Variants in MACROD2 observed in about 807,000 individuals in gnomAD.
MACROD2 encodes ADP-ribose glycohydrolase MACROD2.
In MACROD2, 36 loss-of-function variants were observed where a neutral mutation model predicts 70.4. The ratio of observed to expected loss-of-function variants is 0.51; its 90% CI spans 0.39 to 0.68. MACROD2 has a LOEUF of 0.68. MACROD2 is among the 30% of genes least tolerant of loss of function. The pLI is 0.00. For missense variants in MACROD2, 496 were observed against 538.4 expected, an observed-to-expected ratio of 0.92 and a Z score of 0.78; for synonymous variants, 172 against 178.8, an observed-to-expected ratio of 0.96 and a Z score of 0.30.
chr20:16,017,794 G>A (rs181654173), intron 15 of MACROD2, among the ~76,000 whole-genome samples: 25 of 152,234 alleles, frequency 1.6e-4, no homozygotes, highest in Admixed American at 3.9e-4. Flanking sequence ...GACACATAGT[G>A]GGTACTTACA....
chr20:15,530,556 A>C (rs972361018), intron 8 of MACROD2, among the ~76,000 whole-genome samples: 4 of 151,302 alleles, frequency 2.6e-5, no homozygotes, highest in Non-Finnish European at 4.4e-5. Flanking sequence ...CACGGTGAAA[A>C]CCCGTCTCTA....
rs577927565 is a variant in MACROD2, at chr20:14,320,218, G to A, written c.272-173261G>A. Among the ~76,000 whole-genome samples, 10 of 152,220 alleles carry A rather than the reference G, an allele frequency of 6.6e-5. No homozygotes were observed. The East Asian group carries it at 1.9e-3, about 29-fold the overall frequency. Reference sequence around the variant, plus strand: ...CACCAACATTCTACTTACCTGTGCTGAAAATCTTCATCATCTTCAATATTC... The same window carrying A: ...CACCAACATTCTACTTACCTGTGCTAAAAATCTTCATCATCTTCAATATTC... On this transcript the variant is annotated intron_variant, in intron 3 of 17. Transcript: ENST00000684519.
intron 2 of MACROD2, among the ~76,000 whole-genome samples, chr20:14,033,828 A>G (rs148580056): frequency 1.3e-5 from 2 of 152,228 alleles, no homozygotes; most frequent in East Asian, 3.9e-4. Context: ...TGTAGAATTT[A>G]CCTTTCCTTT....
chr20:14,214,538 C>T (rs570640207), intron 3 of MACROD2, among the ~76,000 whole-genome samples: 2 of 150,540 alleles, frequency 1.3e-5, no homozygotes, highest in African/African-American at 4.9e-5. Context: ...AACATTTAAC[C>T]TGATATAATT....
intron 17 of MACROD2, among the ~76,000 whole-genome samples, chr20:16,048,062 A>G (rs2067408113): frequency 6.6e-6 from 1 of 152,248 alleles, no homozygotes. Context: ...ACAAATTGAA[A>G]AATGAACTTA....
chr20:14,071,250 G>GGGTT, intron 2 of MACROD2, among the ~76,000 whole-genome samples: 1 of 61,086 alleles, frequency 1.6e-5, no homozygotes, highest in South Asian at 6.3e-4. Flanking sequence ...ATTTCATCTT[G>GGGTT]TGTTTTTTTT....
chr20:14,332,004 T>G (rs929985077), intron 3 of MACROD2, among the ~76,000 whole-genome samples: 1 of 152,106 alleles, frequency 6.6e-6, no homozygotes, highest in Non-Finnish European at 1.5e-5. Flanking sequence ...ATGGGGTAAC[T>G]TGGGAGGAAA....
At chr20:15,524,148 G>T (rs536508132) in intron 8 of MACROD2, among the ~76,000 whole-genome samples, 3 of 152,188 alleles carry the variant, frequency 2.0e-5, no homozygotes, top group African/African-American at 4.8e-5. Flanking sequence ...TTACACCGAG[G>T]TCCTTGTTCT....
chr20:15,412,583 T>C (rs1439844253), intron 6 of MACROD2, among the ~76,000 whole-genome samples: 1 of 152,216 alleles, frequency 6.6e-6, no homozygotes, highest in Non-Finnish European at 1.5e-5. Context: ...AGATCCAGAC[T>C]TTGTTTTCTA....
At chr20:14,352,562 C>G (rs2083133606) in intron 3 of MACROD2, 2 of 152,222 alleles carry the variant, frequency 1.3e-5, no homozygotes. Flanking sequence ...AGATTGCCCT[C>G]CAGAAAGGAT....
chr20:14,821,316 C>T (rs1313228060), intron 5 of MACROD2, among the ~76,000 whole-genome samples: 1 of 152,062 alleles, frequency 6.6e-6, no homozygotes, highest in African/African-American at 2.4e-5. Context: ...GGGAAGTTTA[C>T]ATGTTTCCTT....
intron 15 of MACROD2, among the ~76,000 whole-genome samples, chr20:16,038,666 C>G (rs2067267315): frequency 6.6e-6 from 1 of 151,870 alleles, no homozygotes; most frequent in Admixed American, 6.6e-5. Flanking sequence ...ATTTAAGCTG[C>G]CTCTGCAATA....
At chr20:14,606,270 G>A (rs1371020985) in intron 4 of MACROD2, among the ~76,000 whole-genome samples, 1 of 152,124 alleles carries the variant, frequency 6.6e-6, no homozygotes, top group African/African-American at 2.4e-5. Context: ...GTTATTGTAT[G>A]AGTGACCTTT....
intron 7 of MACROD2, among the ~76,000 whole-genome samples, chr20:15,438,460 T>G (rs1463660827): frequency 6.6e-6 from 1 of 152,206 alleles, no homozygotes; most frequent in Non-Finnish European, 1.5e-5. Flanking sequence ...ATTGGCTTGT[T>G]GGCCACATGT....
intron 4 of MACROD2, among the ~76,000 whole-genome samples, chr20:14,572,528 T>C (rs1259046940): frequency 6.6e-6 from 1 of 152,100 alleles, no homozygotes; most frequent in African/African-American, 2.4e-5. Context: ...GTAGAAAAGA[T>C]AAATAAATTG....
intron 5 of MACROD2, among the ~76,000 whole-genome samples, chr20:14,921,324 C>A (rs2074160556): frequency 6.6e-6 from 1 of 152,182 alleles, no homozygotes; most frequent in Non-Finnish European, 1.5e-5. Context: ...GTAATTTAAA[C>A]TGCTCATGTA....
intron 2 of MACROD2, among the ~76,000 whole-genome samples, chr20:14,027,387 C>T (rs925351118): frequency 3.3e-5 from 5 of 151,998 alleles, no homozygotes; most frequent in African/African-American, 1.2e-4. Flanking sequence ...TCTTAGCTTC[C>T]TTGCATTGGG....
At chr20:14,773,776 G>T (rs373965085) in intron 5 of MACROD2, among the ~76,000 whole-genome samples, 52 of 151,982 alleles carry the variant, frequency 3.4e-4, no homozygotes, top group African/African-American at 1.2e-3. Flanking sequence ...TGCTAGGGCT[G>T]CCATAATAAA....
chr20:14,735,597 C>T (rs1397342004), intron 5 of MACROD2, among the ~76,000 whole-genome samples: 3 of 152,124 alleles, frequency 2.0e-5, no homozygotes, highest in East Asian at 3.9e-4. Context: ...TTTGTAATCC[C>T]AGCACTTTAG....
Sources: gnomAD v4.1 joint callset for allele counts (sites outside exome capture counted in the v4.1 genomes callset) on GRCh38, gnomAD v4.1.1 for gene constraint, MANE v1.5 for transcripts, NCBI Gene and HGNC (gene_info 2026-07-23, HGNC 2026-07-21) for gene names.